The following CDK14 variants were observed in gnomAD, a reference collection of about 807,000 sequenced individuals.
CDK14 encodes the protein cyclin dependent kinase 14.
In CDK14, 34 loss-of-function variants were observed where a neutral mutation model predicts 60.7. The observed-to-expected ratio is 0.56, with a 90% CI of 0.43 to 0.75. The LOEUF is 0.75. Ranked by LOEUF, CDK14 falls within the 30% of genes least tolerant of loss-of-function variation. CDK14 has a pLI of 0.00. For missense variants in CDK14, 482 were observed against 564.1 expected, an observed-to-expected ratio of 0.85 and a Z score of 1.47; for synonymous variants, 197 against 203.7, an observed-to-expected ratio of 0.97 and a Z score of 0.28.
intron 3 of CDK14, among the ~76,000 whole-genome samples, chr7:90,739,650 G>C (rs751360350): frequency 2.6e-5 from 4 of 152,118 alleles, no homozygotes; most frequent in African/African-American, 4.8e-5. Flanking sequence ...GTCATTAGCA[G>C]TTTATCTCCT....
intron 10 of CDK14, among the ~76,000 whole-genome samples, chr7:90,991,542 CAGG>C (rs1795534830): frequency 6.6e-6 from 1 of 152,110 alleles, no homozygotes; most frequent in Non-Finnish European, 1.5e-5. Context: ...TACTTCAGCT[CAGG>C]TCTGTTCAGC....
intron 9 of CDK14, 22 bp from the exon 10 acceptor site, chr7:90,984,126 C>G: frequency 1.3e-6 from 2 of 1,497,748 alleles, no homozygotes; most frequent in Non-Finnish European, 1.9e-6. Context: ...AGTTTTGTAA[C>G]GATTCTTTCT....
At chr7:91,040,892 A>G (rs747157160) in intron 10 of CDK14, among the ~76,000 whole-genome samples, 11 of 152,276 alleles carry the variant, frequency 7.2e-5, no homozygotes, top group Non-Finnish European at 1.5e-4. Flanking sequence ...TAGTTTAGAA[A>G]GATAAGTAAA....
chr7:90,664,248 C>T (rs1800926143), intron 2 of CDK14, among the ~76,000 whole-genome samples: 1 of 152,238 alleles, frequency 6.6e-6, no homozygotes, highest in Admixed American at 6.5e-5. Context: ...GATTCCATCT[C>T]ACACCAGTTA....
intron 11 of CDK14, among the ~76,000 whole-genome samples, chr7:91,068,697 G>A (rs1330992302): frequency 6.7e-6 from 1 of 149,238 alleles, no homozygotes; most frequent in Non-Finnish European, 1.5e-5. Flanking sequence ...CATAGCCCAA[G>A]TCATATTGTC....
At chr7:90,933,837 CAGA>C (rs1793671623) in intron 8 of CDK14, among the ~76,000 whole-genome samples, 1 of 152,186 alleles carries the variant, frequency 6.6e-6, no homozygotes, top group South Asian at 2.1e-4. Context: ...TAGCCATGAG[CAGA>C]AATGTTGATG....
intron 12 of CDK14, among the ~76,000 whole-genome samples, chr7:91,104,349 C>T (rs140253362): frequency 2.8e-4 from 42 of 152,208 alleles, no homozygotes; most frequent in African/African-American, 9.4e-4. Flanking sequence ...TCCCTTGAGG[C>T]GTAATTGGGA....
At chr7:91,008,147 AAAC>A (rs1562866122) in intron 10 of CDK14, among the ~76,000 whole-genome samples, 3,034 of 109,532 alleles carry the variant, frequency 0.028, 304 homozygotes, top group Middle Eastern at 0.059. Context: ...AAAAAAAAAC[AAAC>A]AAAAAAAAAC....
At chr7:91,033,428 C>T (rs1014110939) in intron 10 of CDK14, among the ~76,000 whole-genome samples, 11 of 152,204 alleles carry the variant, frequency 7.2e-5, no homozygotes, top group Non-Finnish European at 1.3e-4. Flanking sequence ...CTCCTCTATT[C>T]GTGCTTTTTA....
intron 5 of CDK14, among the ~76,000 whole-genome samples, chr7:90,811,196 A>T (rs1425264190): frequency 6.6e-6 from 1 of 152,224 alleles, no homozygotes; most frequent in Non-Finnish European, 1.5e-5. Flanking sequence ...TGGAGGCATC[A>T]TGCTACCTGA....
intron 10 of CDK14, among the ~76,000 whole-genome samples, chr7:91,016,649 G>A (rs186003729): frequency 6.6e-6 from 1 of 152,268 alleles, no homozygotes; most frequent in African/African-American, 2.4e-5. Flanking sequence ...TGTAGGGTGC[G>A]TTTGAAATTT....
At chr7:91,111,561 G>A (rs1799468943) in intron 12 of CDK14, among the ~76,000 whole-genome samples, 1 of 152,122 alleles carries the variant, frequency 6.6e-6, no homozygotes, top group Admixed American at 6.6e-5. Context: ...AGAAGTTCTG[G>A]ATGGATTGGA....
chr7:90,742,811 T>C (rs1309748572), intron 3 of CDK14, among the ~76,000 whole-genome samples: 4 of 152,020 alleles, frequency 2.6e-5, no homozygotes. Flanking sequence ...TATTCAGCTT[T>C]AATTTTTTTA....
At chr7:90,648,419 T>G (rs1386570601) in intron 2 of CDK14, among the ~76,000 whole-genome samples, 3 of 152,120 alleles carry the variant, frequency 2.0e-5, no homozygotes, top group Non-Finnish European at 4.4e-5. Flanking sequence ...AGTCACACAT[T>G]GTCATTTCTG....
At chr7:91,189,988 G>A (rs1403646035) in intron 14 of CDK14, among the ~76,000 whole-genome samples, 1 of 152,160 alleles carries the variant, frequency 6.6e-6, no homozygotes, top group South Asian at 2.1e-4. Flanking sequence ...ATAAGGAATA[G>A]CAAAACTAGC....
chr7:90,922,591 A>T (rs1219850239), intron 8 of CDK14, among the ~76,000 whole-genome samples: 1 of 152,210 alleles, frequency 6.6e-6, no homozygotes, highest in Non-Finnish European at 1.5e-5. Context: ...CTTTAAAGAT[A>T]TAGTAACTCT....
At chr7:90,879,476 C>T (rs1213936739) in intron 6 of CDK14, among the ~76,000 whole-genome samples, 5 of 152,162 alleles carry the variant, frequency 3.3e-5, no homozygotes, top group East Asian at 1.9e-4. Context: ...CTAGAAGCAG[C>T]GGTGATTGGA....
intron 10 of CDK14, among the ~76,000 whole-genome samples, chr7:91,014,121 T>G (rs2115833563): frequency 6.6e-6 from 1 of 152,262 alleles, no homozygotes; most frequent in Non-Finnish European, 1.5e-5. Flanking sequence ...ACATTCAGTT[T>G]ATCATAATCC....
chr7:90,736,217 C>A (rs530822350), intron 3 of CDK14, among the ~76,000 whole-genome samples: 2 of 152,156 alleles, frequency 1.3e-5, no homozygotes, highest in African/African-American at 4.8e-5. Flanking sequence ...AAATCACCTG[C>A]CTTCCGTGTT....
Sources: gnomAD v4.1 joint callset for allele counts (sites outside exome capture counted in the v4.1 genomes callset) on GRCh38, gnomAD v4.1.1 for gene constraint, MANE v1.5 for transcripts, NCBI Gene and HGNC (gene_info 2026-07-23, HGNC 2026-07-21) for gene names.